Variants in MAP2K5 observed in about 807,000 individuals in gnomAD.
The protein encoded by MAP2K5 is mitogen-activated protein kinase kinase 5.
A neutral mutation model predicts 83.1 loss-of-function variants in MAP2K5; 49 were observed. The observed-to-expected ratio is 0.59, with a 90% CI of 0.47 to 0.75. The LOEUF is 0.75. Ranked by LOEUF, MAP2K5 falls within the 30% of genes least tolerant of loss-of-function variation. MAP2K5 has a pLI of 0.00. For missense variants in MAP2K5, 457 were observed against 557.5 expected, an observed-to-expected ratio of 0.82 and a Z score of 1.82; for synonymous variants, 202 against 191.8, an observed-to-expected ratio of 1.05 and a Z score of -0.44.
Position 67,722,752 on chromosome 15 carries a change from C to A in MAP2K5, c.1045-5164C>A, listed in dbSNP as rs897843379. Among the ~76,000 whole-genome samples the A allele has an allele frequency of 1.3e-5, 2 of 152,110 alleles. No homozygotes were observed. Among genetic ancestry groups the A allele is most frequent in the African/African-American group, 2.4e-5 (1 of 41,412 alleles). On this transcript the variant is annotated intron_variant, in intron 16 of 21. Coordinates refer to ENST00000178640, the MANE Select transcript of MAP2K5 (RefSeq NM_145160.3). This position sits in a 1 kb window ranked among gnomAD's most constrained non-coding sequence, Gnocchi z 4.2. ...CCTGTGTCTGAGTGTTCCAAAGTGG[C>A]TGCTGCATTTCTATAAAATGAAGAT...
chr15:67,772,415 A>C (rs750882180), intron 20 of MAP2K5, among the ~76,000 whole-genome samples: 2 of 152,198 alleles, frequency 1.3e-5, no homozygotes, highest in Non-Finnish European at 2.9e-5. Flanking sequence ...TCAAAAGTAG[A>C]ATTAGGATAC....
chr15:67,800,971 A>G (rs1276833975), intron 21 of MAP2K5, among the ~76,000 whole-genome samples: 2 of 152,204 alleles, frequency 1.3e-5, no homozygotes, highest in African/African-American at 2.4e-5. Flanking sequence ...CCCTTTGACC[A>G]TAGTTGAGTG....
At position 67,746,898 on chromosome 15, in the gene MAP2K5, C is replaced by T. The variant is rs1447835788; in HGVS notation, c.1075-1333C>T. Among the ~76,000 whole-genome samples the T allele has an allele frequency of 1.3e-5, 2 of 152,186 alleles. No homozygotes were observed. Among genetic ancestry groups the T allele is most frequent in the African/African-American group, 2.4e-5 (1 of 41,442 alleles). ...CAGCCACATGGATGCAAAAGAAATGCATAAACATAGCTGCAGCTCTTGAGA... is the reference window on the plus strand; with the variant it reads ...CAGCCACATGGATGCAAAAGAAATGTATAAACATAGCTGCAGCTCTTGAGA... On this transcript the variant is annotated intron_variant, in intron 17 of 21. Coordinates refer to ENST00000178640, the MANE Select transcript of MAP2K5 (RefSeq NM_145160.3). The surrounding 1 kb of genome is among the most constrained non-coding windows in gnomAD (Gnocchi z 4.1).
chr15:67,759,948 G>A (rs1325903095), intron 19 of MAP2K5, among the ~76,000 whole-genome samples: 1 of 152,224 alleles, frequency 6.6e-6, no homozygotes, highest in Non-Finnish European at 1.5e-5. Context: ...TCCTTTCGGC[G>A]ATATTGTCAA....
At chr15:67,642,574 A>G in intron 9 of MAP2K5, 1 of 845,906 alleles carries the variant, frequency 1.2e-6, no homozygotes, top group Non-Finnish European at 2.1e-6. Flanking sequence ...CAGTGCCTGG[A>G]GAAGAGAGAG....
rs11418264 is a variant in MAP2K5, at chr15:67,690,538, A to ATT, written c.848-1928_848-1927dup. On this transcript the variant is annotated intron_variant, in intron 13 of 21. Transcript: ENST00000178640. The surrounding 1 kb of genome is among the most constrained non-coding windows in gnomAD (Gnocchi z 4.3). ...GGTAAAGGGGACATTTGTCTTAGCA[A>ATT]TTTTTTTTTTTTTTGAGACAAGTCT... Among the ~76,000 whole-genome samples the ATT allele has an allele frequency of 2.9e-3, 422 of 146,848 alleles. 2 individuals are homozygous for ATT. The highest frequency in any genetic ancestry group is 4.7e-3 in the African/African-American group (189 of 40,164).
At chr15:67,803,422 T>C (rs987765952) in intron 21 of MAP2K5, among the ~76,000 whole-genome samples, 5 of 152,164 alleles carry the variant, frequency 3.3e-5, no homozygotes, top group South Asian at 2.1e-4. Context: ...GCTAAACTCA[T>C]GAGGAATGCC....
intron 15 of MAP2K5, among the ~76,000 whole-genome samples, chr15:67,696,127 CTT>C (rs66634396): frequency 0.14 from 18,254 of 129,960 alleles, 1,171 homozygotes; most frequent in Admixed American, 0.17. Flanking sequence ...AAGAGCTGAG[CTT>C]TTTTTTTTTT....
Position 67,764,191 on chromosome 15 carries a change from T to G in MAP2K5, c.1135-5411T>G, listed in dbSNP as rs1004093861. 6.6e-6 allele frequency among the ~76,000 whole-genome samples: 1 copy of G among 152,286 alleles called. No individual in the cohort carries two copies. Among genetic ancestry groups the G allele is most frequent in the Non-Finnish European group, 1.5e-5 (1 of 68,020 alleles). ...CCAGTGCAGCCAACACCTTGAGATA[T>G]TTGAGAGGTTGTCCCATCTTCCTTT... On this transcript the variant is annotated intron_variant, in intron 19 of 21. Coordinates refer to ENST00000178640, the MANE Select transcript of MAP2K5 (RefSeq NM_145160.3). The surrounding 1 kb of genome is among the most constrained non-coding windows in gnomAD (Gnocchi z 4.9).
Position 67,783,988 on chromosome 15 carries a change from C to T in MAP2K5, c.1242+11236C>T, listed in dbSNP as rs1395209227. On this transcript the variant is annotated intron_variant, in intron 21 of 21. Coordinates refer to ENST00000178640, the MANE Select transcript of MAP2K5 (RefSeq NM_145160.3). This position sits in a 1 kb window ranked among gnomAD's most constrained non-coding sequence, Gnocchi z 5.1. ...TGAAGAGATTGAAGTAACAATTGCA[C>T]CTAACTTGGGGCTGAAGATGAATCC... is the stretch of plus-strand genomic sequence containing the variant. Among the ~76,000 whole-genome samples, 2 of 152,152 alleles carry T rather than the reference C, an allele frequency of 1.3e-5. No homozygotes were observed. The highest frequency in any genetic ancestry group is 2.9e-5 in the Non-Finnish European group (2 of 68,012).
At position 67,613,837 on chromosome 15, in the gene MAP2K5, G is replaced by C. The variant is rs545085223; in HGVS notation, c.545+13088G>C. The stretch of plus-strand genomic sequence containing the variant: ...GGACATATTACATCTGATATTACGG[G>C]GAAGAAGGGAAGAAATGGCTCACTT... On this transcript the variant is annotated intron_variant, in intron 8 of 21. Transcript: ENST00000178640. Among the ~76,000 whole-genome samples the C allele has an allele frequency of 9.3e-4, 142 of 152,008 alleles. 1 individual carries two copies. Among genetic ancestry groups the C allele is most frequent in the African/African-American group, 2.7e-3 (111 of 41,458 alleles).
chr15:67,659,204 A>C (rs36004835), intron 12 of MAP2K5: 96,672 of 174,912 alleles, frequency 0.55, 27,526 homozygotes, highest in Non-Finnish European at 0.61. Flanking sequence ...TAATGTTCTC[A>C]TAAGTTCCAT....
At chr15:67,754,858 G>T (rs2089802022) in intron 19 of MAP2K5, among the ~76,000 whole-genome samples, 1 of 152,156 alleles carries the variant, frequency 6.6e-6, no homozygotes, top group Admixed American at 6.5e-5. Context: ...GTAGCCAAGG[G>T]ATATGCTTGG....
At chr15:67,554,122 C>T (rs1489519888) in intron 2 of MAP2K5, among the ~76,000 whole-genome samples, 1 of 151,990 alleles carries the variant, frequency 6.6e-6, no homozygotes, top group African/African-American at 2.4e-5. Context: ...TGCAGTGGTG[C>T]GATCTCAGCT....
intron 21 of MAP2K5, among the ~76,000 whole-genome samples, chr15:67,795,158 T>C (rs1400063246): frequency 2.0e-5 from 3 of 152,222 alleles, no homozygotes; most frequent in African/African-American, 7.2e-5. Flanking sequence ...GGATTTGTGG[T>C]TATGTATCTT....
intron 11 of MAP2K5, among the ~76,000 whole-genome samples, chr15:67,656,290 C>T (rs936773565): frequency 6.6e-6 from 1 of 151,606 alleles, no homozygotes; most frequent in African/African-American, 2.4e-5. Context: ...ATGTGATTCT[C>T]AAGCCATATA....
chr15:67,666,372 A>T (rs1055742965), intron 13 of MAP2K5, among the ~76,000 whole-genome samples: 1 of 152,144 alleles, frequency 6.6e-6, no homozygotes, highest in East Asian at 1.9e-4. Context: ...CTGTATCTAA[A>T]TTTTTTTATT....
Position 67,640,581 on chromosome 15 carries a change from C to T in MAP2K5, c.586-5650C>T, listed in dbSNP as rs1174961844. 2.0e-6 allele frequency: 2 copies of T among 985,176 alleles called. No homozygotes were observed. Among genetic ancestry groups the T allele is most frequent in the Non-Finnish European group, 2.4e-6 (2 of 829,882 alleles). 61.0% of individuals were successfully genotyped at this position (985,176 alleles called of 1,614,324 possible). On this transcript the variant is annotated intron_variant, in intron 9 of 21. Transcript: ENST00000178640. This position sits in a 1 kb window ranked among gnomAD's most constrained non-coding sequence, Gnocchi z 4.6. ...CTGAATCACCTGCAGGGTCTGACGCCTGCATGGAATGATGAGGGAAATTTA... is the reference window on the plus strand; with the variant it reads ...CTGAATCACCTGCAGGGTCTGACGCTTGCATGGAATGATGAGGGAAATTTA...
chr15:67,571,063 G>A (rs539982859), intron 3 of MAP2K5, among the ~76,000 whole-genome samples: 3 of 152,164 alleles, frequency 2.0e-5, no homozygotes, highest in Non-Finnish European at 4.4e-5. Flanking sequence ...AATGAGAGTC[G>A]TTACTATGTC....
Sources: gnomAD v4.1 joint callset for allele counts (sites outside exome capture counted in the v4.1 genomes callset) on GRCh38, gnomAD v4.1.1 for gene constraint, Gnocchi (gnomAD v3.1) non-coding constraint, MANE v1.5 for transcripts, NCBI Gene and HGNC (gene_info 2026-07-23, HGNC 2026-07-21) for gene names.